The following CYB561A3 variants were observed in gnomAD, a reference collection of about 807,000 sequenced individuals.
The protein encoded by CYB561A3 is cytochrome b561 family member A3.
In CYB561A3, 16 loss-of-function variants were observed where a neutral mutation model predicts 25.3. The observed-to-expected ratio is 0.63, with a 90% confidence interval of 0.43 to 0.96. The LOEUF is 0.96. Ranked by LOEUF, CYB561A3 falls within the 40% of genes least tolerant of loss-of-function variation. The pLI, the probability that CYB561A3 is intolerant of heterozygous loss-of-function variation, is 0.00. For synonymous variants in CYB561A3, 131 were observed against 129.9 expected, an observed-to-expected ratio of 1.01 and a Z score of -0.06; for missense variants, 219 against 307.5, an observed-to-expected ratio of 0.71 and a Z score of 2.15.
chr11:61,359,658 T>C (rs534869100), intron 1 of CYB561A3: 31 of 152,362 alleles, frequency 2.0e-4, no homozygotes, highest in African/African-American at 7.0e-4. Flanking sequence ...CAAAGTTATA[T>C]TGCCCTGCTC....
chr11:61,350,169 C>T lies in CYB561A3; in HGVS notation c.*230G>A. The T allele has an allele frequency of 5.0e-6, 3 of 600,552 alleles. No individual in the cohort carries two copies. The highest frequency in any genetic ancestry group is 2.8e-5 in the East Asian group (1 of 35,762). 37.2% of individuals were successfully genotyped at this position (600,552 alleles called of 1,614,324 possible). On this transcript the variant is annotated 3_prime_UTR_variant, in exon 7 of 7. Coordinates refer to ENST00000294072, the MANE Select transcript of CYB561A3 (RefSeq NM_153611.6). Reference sequence around the variant, plus strand: ...AAAGCCACCAAGGAAAGCAGACAGGCAGCAAGCGGCCGGAGAGGGCAGGCC... The same window carrying T: ...AAAGCCACCAAGGAAAGCAGACAGGTAGCAAGCGGCCGGAGAGGGCAGGCC...
rs1857284195 is a variant in CYB561A3, at chr11:61,349,221, C to T, written c.*1178G>A. 1 of 308,236 alleles carries T rather than the reference C, an allele frequency of 3.2e-6. No individual in the cohort carries two copies. Among genetic ancestry groups the T allele is most frequent in the Non-Finnish European group, 6.4e-6 (1 of 155,488 alleles). 19.1% of individuals were successfully genotyped at this position (308,236 alleles called of 1,614,324 possible). A position where few individuals can be genotyped will look rare whatever the true frequency, so the allele number is the denominator to read the frequency against. On this transcript the variant is annotated 3_prime_UTR_variant, in exon 7 of 7. Coordinates refer to ENST00000294072, the MANE Select transcript of CYB561A3 (RefSeq NM_153611.6). ...CCCTGAAGAAGAGCAACAGCTCAAG[C>T]TCTAGCATGGCACAGAACGCTAGGT...
chr11:61,350,045 G>A lies in CYB561A3; in HGVS notation c.*354C>T, dbSNP rs1334457559. ...GCGAGGAGGACCTCGTGTGAATGGA[G>A]GACCTGAGAGGCTGACGCCAAGGAG... is the stretch of plus-strand genomic sequence containing the variant. On this transcript the variant is annotated 3_prime_UTR_variant, in exon 7 of 7. Coordinates refer to ENST00000294072, the MANE Select transcript of CYB561A3 (RefSeq NM_153611.6). The A allele has an allele frequency of 6.0e-6, 3 of 503,368 alleles. No homozygotes were observed. In the South Asian group the frequency reaches 6.7e-5, roughly 11 times the overall value. The allele number at this position is 503,368 out of a possible 1,614,324, so 31.2% of individuals were successfully genotyped here.
Position 61,351,116 on chromosome 11 carries a change from G to A in CYB561A3, c.580C>T (p.Pro194Ser). The part of the protein sequence containing the change: ...KNTTRPYHSL[P>S]SEAVFANSTG... The stretch of plus-strand genomic sequence containing the variant: ...CTGTTGGCAAAGACCGCCTCACTGG[G>A]CAGGCTGTGGTATGGCCTGGTGGTG... Residue 194 changes from proline to serine, a missense_variant, in exon 6 of 7, where the codon CCC (proline) becomes TCC (serine). Physicochemically the swap from Pro to Ser is moderately conservative, Grantham distance 74 (BLOSUM62 -1). Transcript: ENST00000294072. 6.2e-7 allele frequency: 1 copy of A among 1,613,664 alleles called. No homozygotes were observed. Among genetic ancestry groups the A allele is most frequent in the Middle Eastern group, 1.7e-4 (1 of 6,060 alleles).
chr11:61,353,929 T>G lies in CYB561A3; in HGVS notation c.248A>C (p.His83Pro). Reference protein sequence around the residue: ...VGPKLPWKLLHAALHLMAFVL... With the variant: ...VGPKLPWKLLPAALHLMAFVL... ...GAAGGCCATCAGGTGCAGCGCTGCA[T>G]GGAGGAGTTTCCAGGGCAGTTTGGG... The change falls in exon 4 of 7, where the codon CAT becomes CCT. Residue 83 changes from histidine (H) to proline (P), a missense_variant. Physicochemically the swap from His to Pro is moderately conservative, Grantham distance 77. Transcript: ENST00000294072. 6.2e-7 allele frequency: 1 copy of G among 1,614,118 alleles called. No homozygotes were observed. Among genetic ancestry groups the G allele is most frequent in the Non-Finnish European group, 8.5e-7 (1 of 1,180,026 alleles).
intron 3 of CYB561A3, 177 bp from the exon 4 acceptor site, chr11:61,354,169 T>G: frequency 1.5e-6 from 1 of 673,308 alleles, no homozygotes; most frequent in Non-Finnish European, 2.5e-6. Flanking sequence ...ATAACAGCCA[T>G]GAAGGGAGGA....
Position 61,356,381 on chromosome 11 carries a change from C to T in CYB561A3, c.184+149G>A, listed in dbSNP as rs529462322. 172 of 1,022,882 alleles carry T rather than the reference C, an allele frequency of 1.7e-4. No homozygotes were observed. The African/African-American group carries it at 2.4e-3, about 14-fold the overall frequency. The allele number at this position is 1,022,882 out of a possible 1,614,324, so 63.4% of individuals were successfully genotyped here. A position where few individuals can be genotyped will look rare whatever the true frequency, so the allele number is the denominator to read the frequency against. On this transcript the variant is annotated intron_variant, in intron 3 of 6. Coordinates refer to ENST00000294072, the MANE Select transcript of CYB561A3 (RefSeq NM_153611.6). ...CCCCCATCTTAACCCCTTCCTCCCC[C>T]AAATGACAGCTAGGCCCAGAGACAG...
chr11:61,350,089 C>A lies in CYB561A3; in HGVS notation c.*310G>T. ...CAAGGAGTGCAGAAGCCAAAGCCAC[C>A]AAGGAAAGCAGACAGGCAGCAAGCA... On this transcript the variant is annotated 3_prime_UTR_variant, in exon 7 of 7. Coordinates refer to ENST00000294072, the MANE Select transcript of CYB561A3 (RefSeq NM_153611.6). The A allele has an allele frequency of 1.8e-6, 1 of 550,494 alleles. No individual in the cohort carries two copies. Among genetic ancestry groups the A allele is most frequent in the Non-Finnish European group, 3.3e-6 (1 of 307,206 alleles). The allele number at this position is 550,494 out of a possible 1,614,324, so 34.1% of individuals were successfully genotyped here. A position where few individuals can be genotyped will look rare whatever the true frequency, so the allele number is the denominator to read the frequency against.
At chr11:61,357,067 T>C in intron 2 of CYB561A3, 1 of 1,423,436 alleles carries the variant, frequency 7.0e-7, no homozygotes, top group Non-Finnish European at 9.7e-7. Context: ...AGGTAAAGAA[T>C]TACCACCCCA....
chr11:61,350,517 G>C (rs1857349667), intron 6 of CYB561A3, 95 bp from the exon 7 acceptor site: 6 of 1,505,554 alleles, frequency 4.0e-6, no homozygotes, highest in Non-Finnish European at 5.4e-6. Flanking sequence ...CTGCAGGGTG[G>C]TCCCCATCCA....
rs201067594 is a variant in CYB561A3 at position 61,351,249 on chromosome 11, G to A, written c.549-102C>T. 3.1e-4 allele frequency: 390 copies of A among 1,270,590 alleles called. 2 individuals are homozygous for A. In the East Asian group the frequency reaches 9.0e-3, roughly 29 times the overall value. The allele number at this position is 1,270,590 out of a possible 1,614,324, so 78.7% of individuals were successfully genotyped here. ...TAACAGAGGGTGAGAAAACCTTCCCGGGTCCATATGTGATCTAGAATTTTA... is the reference window on the plus strand; with the variant it reads ...TAACAGAGGGTGAGAAAACCTTCCCAGGTCCATATGTGATCTAGAATTTTA... On this transcript the variant is annotated intron_variant, in intron 5 of 6. Transcript: ENST00000294072.
Position 61,351,154 on chromosome 11 carries a change from A to G in CYB561A3, c.549-7T>C, listed in dbSNP as rs1437602919. The G allele has an allele frequency of 6.2e-7, 1 of 1,605,706 alleles. No individual in the cohort carries two copies. Among genetic ancestry groups the G allele is most frequent in the South Asian group, 1.1e-5 (1 of 89,932 alleles). On this transcript the variant is annotated splice_polypyrimidine_tract_variant and splice_region_variant and intron_variant, in intron 5 of 6. Transcript: ENST00000294072. ...TGGCCTGGTGGTGTTTTTCCTGAAGATGACAAAACAATGTGAGCCCTCGAG... is the reference window on the plus strand; with the variant it reads ...TGGCCTGGTGGTGTTTTTCCTGAAGGTGACAAAACAATGTGAGCCCTCGAG...
chr11:61,361,671 T>G (rs2135141372), intron 1 of CYB561A3, 62 bp downstream of exon 1: 1 of 152,430 alleles, frequency 6.6e-6, no homozygotes, highest in South Asian at 2.1e-4. Flanking sequence ...CGAAGCGAGA[T>G]AGCAGCGGAA....
chr11:61,355,108 T>G (rs1185752137), intron 3 of CYB561A3, among the ~76,000 whole-genome samples: 1 of 151,926 alleles, frequency 6.6e-6, no homozygotes, highest in Admixed American at 6.6e-5. Context: ...GACCTCATGA[T>G]CCGCCCACCT....
chr11:61,354,148 T>C (rs2135117542), intron 3 of CYB561A3, 156 bp from the exon 4 acceptor site: 2 of 737,918 alleles, frequency 2.7e-6, no homozygotes, highest in Non-Finnish European at 4.4e-6. Context: ...TACCCTCCCA[T>C]GATTTGTGGG....
chr11:61,356,776 G>C (rs1857670047), intron 2 of CYB561A3, 48 bp from the exon 3 acceptor site: 4 of 1,594,998 alleles, frequency 2.5e-6, no homozygotes, highest in Non-Finnish European at 3.4e-6. Context: ...GATGCACCCA[G>C]TTCTCTGGCT....
chr11:61,351,376 G>A (rs1240678630), intron 5 of CYB561A3: 6 of 340,046 alleles, frequency 1.8e-5, no homozygotes, highest in South Asian at 9.1e-5. Context: ...TGCAAGCTCC[G>A]CCTCCTGGGT....
At chr11:61,361,608 T>G (rs1044228047) in intron 1 of CYB561A3, 125 bp downstream of exon 1, 1 of 151,926 alleles carries the variant, frequency 6.6e-6, no homozygotes, top group Non-Finnish European at 1.5e-5. Flanking sequence ...CGGAGAAAGG[T>G]GCCCACTTTC....
At chr11:61,360,992 GAAAGAA>G (rs772607325) in intron 1 of CYB561A3, 15 of 143,292 alleles carry the variant, frequency 1.0e-4, no homozygotes, top group Non-Finnish European at 2.3e-4. Context: ...AAAAAAAAAA[GAAAGAA>G]AAAGAAAAAG....
Sources: gnomAD v4.1 joint callset for allele counts (sites outside exome capture counted in the v4.1 genomes callset) on GRCh38, gnomAD v4.1.1 for gene constraint, MANE v1.5 for transcripts, NCBI Gene and HGNC (gene_info 2026-07-23, HGNC 2026-07-21) for gene names.